The following RPTOR variants were observed in gnomAD, a reference collection of about 807,000 sequenced individuals.
The protein encoded by RPTOR is regulatory associated protein of MTOR complex 1, also known as regulatory-associated protein of mTOR.
A neutral mutation model predicts 169.9 loss-of-function variants in RPTOR; 21 were observed. The observed-to-expected ratio is 0.12, with a 90% CI of 0.09 to 0.18. The LOEUF (loss-of-function observed/expected upper bound fraction) is 0.18, where lower values mean the gene tolerates loss of function less well. Among genes scored for constraint, RPTOR ranks in the 10% least tolerant of loss-of-function variants. The probability of loss-of-function intolerance (pLI) is 1.00; values close to 1 mark genes in which losing one functional copy is unlikely to be tolerated. For missense variants in RPTOR, 1,133 were observed against 1,855.9 expected (o/e 0.61, Z 7.16); for synonymous variants, 732 against 753.2 (o/e 0.97, Z 0.46).
At chr17:80,787,730 G>A (rs148649834) in intron 6 of RPTOR, among the ~76,000 whole-genome samples, 21 of 152,214 alleles carry the variant, frequency 1.4e-4, no homozygotes, top group African/African-American at 3.1e-4. Context: ...ATGATATCTC[G>A]TGTAGCCTGG....
In RPTOR at chr17:80,860,270, T is replaced by C. The variant is rs1334368638; in HGVS notation, c.1509+2370T>C. Among the ~76,000 whole-genome samples the C allele has an allele frequency of 1.3e-5, 2 of 152,246 alleles. No homozygotes were observed. Among genetic ancestry groups the C allele is most frequent in the Non-Finnish European group, 2.9e-5 (2 of 68,040 alleles). On this transcript the variant is annotated intron_variant, in intron 13 of 33. Transcript: ENST00000306801. The surrounding 1 kb of genome is among the most constrained non-coding windows in gnomAD (Gnocchi z 5.8). ...GCTCGCTGAAGCTGCCCTGTTGGGCTTTGTTCAGCCAAATTCACTGACCCT... is the reference window on the plus strand; with the variant it reads ...GCTCGCTGAAGCTGCCCTGTTGGGCCTTGTTCAGCCAAATTCACTGACCCT...
rs2068925141 is a variant in RPTOR, at chr17:80,933,821, C to A, written c.2920-6675C>A. Among the ~76,000 whole-genome samples, 6 of 152,214 alleles carry A rather than the reference C, an allele frequency of 3.9e-5. No individual in the cohort carries two copies. The South Asian group carries it at 1.2e-3, about 31-fold the overall frequency. ...ATATACCTTCCGTCACTGCTTTATG[C>A]CTATAAACTCTACAATTTAGGCGAG... On this transcript the variant is annotated intron_variant, in intron 24 of 33. Transcript: ENST00000306801.
intron 13 of RPTOR, among the ~76,000 whole-genome samples, chr17:80,864,045 TG>T (rs1442442718): frequency 6.6e-6 from 1 of 152,236 alleles, no homozygotes; most frequent in East Asian, 1.9e-4. Context: ...ACGTACTATT[TG>T]GGGGTCCATA....
In RPTOR at chr17:80,957,626, G is replaced by A; in HGVS notation, c.3373G>A (p.Ala1125Thr). Residue 1125 changes from alanine (A) to threonine (T), a missense_variant and splice_region_variant, in exon 29 of 34, where the codon GCT (alanine) becomes ACT (threonine). Coordinates refer to ENST00000306801, the MANE Select transcript of RPTOR (RefSeq NM_020761.3). This position sits in a 1 kb window ranked among gnomAD's most constrained non-coding sequence, Gnocchi z 4.6. ...LSDMLPTTRGAGMVVDWEQET... is the reference protein window; with the variant it reads ...LSDMLPTTRGTGMVVDWEQET... ...CATGTCCCACTGTATCTCTCCAGGA[G>A]CTGGGATGGTGGTGGACTGGGAGCA... 2 of 1,614,066 alleles carry A rather than the reference G, an allele frequency of 1.2e-6. No individual in the cohort carries two copies. The highest frequency in any genetic ancestry group is 1.1e-5 in the South Asian group (1 of 91,086).
At position 80,645,053 on chromosome 17, in the gene RPTOR, G is replaced by A. The variant is rs183670229; in HGVS notation, c.348+1243G>A. ...ATGCTGTAGCCTTTTTCTTGAGGGC[G>A]CAGTGCGTTTGGGGATGGCATGAGG... is the stretch of plus-strand genomic sequence containing the variant. On this transcript the variant is annotated intron_variant, in intron 3 of 33. Coordinates refer to ENST00000306801, the MANE Select transcript of RPTOR (RefSeq NM_020761.3). Among the ~76,000 whole-genome samples the A allele has an allele frequency of 2.3e-3, 350 of 152,288 alleles. 2 individuals carry two copies. The highest frequency in any genetic ancestry group is 8.0e-3 in the African/African-American group (332 of 41,544).
intron 7 of RPTOR, among the ~76,000 whole-genome samples, chr17:80,812,778 T>C (rs2067286316): frequency 6.6e-6 from 1 of 152,244 alleles, no homozygotes; most frequent in Non-Finnish European, 1.5e-5. Flanking sequence ...CTGAATCACC[T>C]CATCTGCCGT....
rs753014451 is a variant in RPTOR, at chr17:80,730,510, C to G, written c.508-50C>G. On this transcript the variant is annotated intron_variant, in intron 4 of 33. Transcript: ENST00000306801. This position sits in a 1 kb window ranked among gnomAD's most constrained non-coding sequence, Gnocchi z 4.2. ...TAACGGTGCAGTACTCACCAGCAGCCCATATTCCTGAGACGCACATGTAAC... is the reference window on the plus strand; with the variant it reads ...TAACGGTGCAGTACTCACCAGCAGCGCATATTCCTGAGACGCACATGTAAC... 4.4e-6 allele frequency: 7 copies of G among 1,599,034 alleles called. No individual in the cohort carries two copies. Among genetic ancestry groups the G allele is most frequent in the Middle Eastern group, 1.7e-4 (1 of 6,032 alleles).
intron 9 of RPTOR, among the ~76,000 whole-genome samples, chr17:80,828,101 G>A (rs1026330615): frequency 2.6e-5 from 4 of 152,200 alleles, no homozygotes; most frequent in Admixed American, 6.5e-5. Flanking sequence ...TTTAACCAGG[G>A]AGGAAAGCTC....
intron 10 of RPTOR, among the ~76,000 whole-genome samples, chr17:80,838,296 A>G (rs2067587618): frequency 1.3e-5 from 2 of 152,120 alleles, no homozygotes; most frequent in African/African-American, 4.8e-5. Flanking sequence ...TACACTTTCT[A>G]GCCTTTTCAC....
At chr17:80,715,416 G>A (rs1188629078) in intron 4 of RPTOR, among the ~76,000 whole-genome samples, 1 of 152,082 alleles carries the variant, frequency 6.6e-6, no homozygotes, top group African/African-American at 2.4e-5. Context: ...TATATCAATC[G>A]GCTTCTTTCC....
At chr17:80,801,836 G>A (rs763578852) in intron 7 of RPTOR, 10 of 152,154 alleles carry the variant, frequency 6.6e-5, no homozygotes, top group Admixed American at 1.3e-4. Flanking sequence ...TGGCGGAAAC[G>A]GGGGACCGCC....
chr17:80,598,932 T>TC (rs1567813372), intron 1 of RPTOR, among the ~76,000 whole-genome samples: 1 of 111,330 alleles, frequency 9.0e-6, no homozygotes, highest in Non-Finnish European at 1.9e-5. Flanking sequence ...ATCTATCTTT[T>TC]TGAGACTGGG....
chr17:80,942,617 G>A (rs764493585), intron 25 of RPTOR, among the ~76,000 whole-genome samples: 6 of 152,050 alleles, frequency 3.9e-5, no homozygotes, highest in Admixed American at 1.3e-4. Flanking sequence ...ATTCGGATTC[G>A]GTGCAGGCGT....
At chr17:80,760,729 G>A (rs777740112) in intron 6 of RPTOR, among the ~76,000 whole-genome samples, 13 of 152,174 alleles carry the variant, frequency 8.5e-5, no homozygotes, top group Non-Finnish European at 1.5e-4. Flanking sequence ...CGTGTCTGCC[G>A]GTCTGCAGGT....
At chr17:80,570,740 C>G (rs75398920) in intron 1 of RPTOR, among the ~76,000 whole-genome samples, 1 of 152,002 alleles carries the variant, frequency 6.6e-6, no homozygotes, top group East Asian at 1.9e-4. Flanking sequence ...GGATTACAGG[C>G]GTGAGCTACC....
intron 5 of RPTOR, among the ~76,000 whole-genome samples, chr17:80,749,907 G>A (rs931499945): frequency 4.6e-5 from 7 of 151,994 alleles, no homozygotes; most frequent in Admixed American, 2.6e-4. Context: ...TAGAGACAGG[G>A]GTCTTGCCAT....
intron 3 of RPTOR, among the ~76,000 whole-genome samples, chr17:80,654,451 C>T (rs914681800): frequency 1.3e-5 from 2 of 152,252 alleles, no homozygotes; most frequent in Non-Finnish European, 2.9e-5. Flanking sequence ...CTCCGCTTAG[C>T]TTCACGTGGT....
intron 7 of RPTOR, among the ~76,000 whole-genome samples, chr17:80,795,120 T>G (rs1323633292): frequency 6.6e-6 from 1 of 152,150 alleles, no homozygotes; most frequent in Non-Finnish European, 1.5e-5. Context: ...GCAGAGCAGA[T>G]GCAGCACACG....
chr17:80,702,257 T>G (rs2066107440), intron 3 of RPTOR, among the ~76,000 whole-genome samples: 1 of 152,200 alleles, frequency 6.6e-6, no homozygotes, highest in Non-Finnish European at 1.5e-5. Flanking sequence ...TTTGTTTTCT[T>G]TTCTTCGGTT....
Sources: gnomAD v4.1 joint callset for allele counts (sites outside exome capture counted in the v4.1 genomes callset) on GRCh38, gnomAD v4.1.1 for gene constraint, Gnocchi (gnomAD v3.1) non-coding constraint, MANE v1.5 for transcripts, NCBI Gene and HGNC (gene_info 2026-07-23, HGNC 2026-07-21) for gene names.